The following FAM118B variants were observed in gnomAD, a reference collection of about 807,000 sequenced individuals.
FAM118B encodes the protein protein FAM118B.
A neutral mutation model predicts 38.5 loss-of-function variants in FAM118B; 24 were observed. That is an observed-to-expected ratio of 0.62 (90% CI 0.45 to 0.88). FAM118B has a LOEUF of 0.88. Ranked by LOEUF, FAM118B falls within the 40% of genes least tolerant of loss-of-function variation. The probability of loss-of-function intolerance (pLI) is 0.00; values close to 1 mark genes in which losing one functional copy is unlikely to be tolerated. For missense variants in FAM118B, 334 were observed against 420.0 expected (o/e 0.80, Z 1.79); for synonymous variants, 138 against 156.3 (o/e 0.88, Z 0.87).
chr11:126,256,941 C>A lies in FAM118B; in HGVS notation c.982+89C>A. On this transcript the variant is annotated intron_variant, in intron 7 of 8. Transcript: ENST00000533050. This position sits in a 1 kb window ranked among gnomAD's most constrained non-coding sequence, Gnocchi z 6.6. The stretch of plus-strand genomic sequence containing the variant: ...TGTGATGTGATGGGCAAAATAGTTG[C>A]CAAGATGAGGAATGTAATGACTGAC... 1 of 1,341,954 alleles carries A rather than the reference C, an allele frequency of 7.5e-7. No homozygotes were observed. Among genetic ancestry groups the A allele is most frequent in the Non-Finnish European group, 1.0e-6 (1 of 976,274 alleles). The allele number at this position is 1,341,954 out of a possible 1,614,324, so 83.1% of individuals were successfully genotyped here.
intron 3 of FAM118B, among the ~76,000 whole-genome samples, chr11:126,238,401 A>G (rs1042565360): frequency 6.6e-6 from 1 of 152,154 alleles, no homozygotes; most frequent in Non-Finnish European, 1.5e-5. Context: ...TGTAGAGTTA[A>G]GGAATTCCCA....
rs1459185079 is a variant in FAM118B, at chr11:126,229,226, A to G, written c.-75A>G. The G allele has an allele frequency of 1.3e-5, 2 of 152,136 alleles. No homozygotes were observed. Among genetic ancestry groups the G allele is most frequent in the African/African-American group, 4.8e-5 (2 of 41,444 alleles). 9.4% of individuals were successfully genotyped at this position (152,136 alleles called of 1,614,324 possible). A position where few individuals can be genotyped will look rare whatever the true frequency, so the allele number is the denominator to read the frequency against. On this transcript the variant is annotated splice_region_variant and 5_prime_UTR_variant, in exon 2 of 9. Coordinates refer to ENST00000533050, the MANE Select transcript of FAM118B (RefSeq NM_024556.4). ...AGCAACATGTGTCATTATTTTCAGG[A>G]TATACCTTCTCAGAAGCTGCACAGG...
At chr11:126,254,050 CT>C (rs1950541062) in intron 5 of FAM118B, among the ~76,000 whole-genome samples, 2 of 152,336 alleles carry the variant, frequency 1.3e-5, no homozygotes, top group South Asian at 4.1e-4. Context: ...CCTGTTGTTT[CT>C]GCAAATTATG....
chr11:126,250,863 TTTTG>T lies in FAM118B; in HGVS notation c.567+134_567+137del. ...GAAAAATTTTTTCCCTGGTTGGAGTTTTTGTTTTTCTTTTTTCTTTCTTTTTAAA... is the reference window on the plus strand; with the variant it reads ...GAAAAATTTTTTCCCTGGTTGGAGTTTTTTTCTTTTTTCTTTCTTTTTAAA... On this transcript the variant is annotated intron_variant, in intron 5 of 8. Transcript: ENST00000533050. The surrounding 1 kb of genome is among the most constrained non-coding windows in gnomAD (Gnocchi z 5.1). 1.5e-6 allele frequency: 1 copy of T among 658,194 alleles called. No individual in the cohort carries two copies. The highest frequency in any genetic ancestry group is 2.6e-6 in the Non-Finnish European group (1 of 390,152). The allele number at this position is 658,194 out of a possible 1,614,324, so 40.8% of individuals were successfully genotyped here. A position where few individuals can be genotyped will look rare whatever the true frequency, so the allele number is the denominator to read the frequency against.
chr11:126,245,489 A>G (rs916103160), intron 4 of FAM118B, among the ~76,000 whole-genome samples: 5 of 152,180 alleles, frequency 3.3e-5, no homozygotes, highest in Non-Finnish European at 7.3e-5. Flanking sequence ...TAAATTGGAC[A>G]TGATGAGACT....
intron 4 of FAM118B, among the ~76,000 whole-genome samples, chr11:126,247,402 A>T (rs530063610): frequency 1.5e-4 from 23 of 152,336 alleles, no homozygotes; most frequent in African/African-American, 4.8e-4. Context: ...TAGGTCTAAA[A>T]GATACTTAAT....
At chr11:126,237,217 T>A (rs541561913) in intron 3 of FAM118B, among the ~76,000 whole-genome samples, 2,644 of 93,042 alleles carry the variant, frequency 0.028, 115 homozygotes, top group African/African-American at 0.1. Flanking sequence ...CGCCTGGCCT[T>A]TTTTTTTTTT....
rs1388419291 is a variant in FAM118B at position 126,261,485 on chromosome 11, G to A, written c.1042+1G>A. The A allele has an allele frequency of 6.2e-7, 1 of 1,610,112 alleles. No homozygotes were observed. The highest frequency in any genetic ancestry group is 1.7e-5 in the Admixed American group (1 of 59,996). ...TCTGCAGCACACAGTGAAATAAGAGGTATACTGTTTCCTATTCTACTATTT... is the reference window on the plus strand; with the variant it reads ...TCTGCAGCACACAGTGAAATAAGAGATATACTGTTTCCTATTCTACTATTT... On this transcript the variant is annotated splice_donor_variant, in intron 8 of 8. Coordinates refer to ENST00000533050, the MANE Select transcript of FAM118B (RefSeq NM_024556.4). LOFTEE classifies it high-confidence loss of function.
rs141494742 is a variant in FAM118B, at chr11:126,257,969, T to A, written c.982+1117T>A. 1.7e-4 allele frequency among the ~76,000 whole-genome samples: 26 copies of A among 152,308 alleles called. No homozygotes were observed. The East Asian group carries it at 4.2e-3, about 25-fold the overall frequency. On this transcript the variant is annotated intron_variant, in intron 7 of 8. Transcript: ENST00000533050. ...ATCAGCTAAACTGAAGAATGCTTTT[T>A]CAAAACCTCACATTGCCAGGCTCCA...
At chr11:126,228,238 AC>A (rs1365909665) in intron 1 of FAM118B, among the ~76,000 whole-genome samples, 1 of 146,830 alleles carries the variant, frequency 6.8e-6, no homozygotes, top group African/African-American at 2.5e-5. Context: ...TCGCTTTGTC[AC>A]CCAGGCTGGA....
chr11:126,226,943 C>A (rs1004754851), intron 1 of FAM118B, among the ~76,000 whole-genome samples: 7 of 85,258 alleles, frequency 8.2e-5, no homozygotes, highest in Non-Finnish European at 1.7e-4. Context: ...AACAGTGAGA[C>A]CCCGTCCAAA....
intron 4 of FAM118B, among the ~76,000 whole-genome samples, chr11:126,246,807 G>C (rs1268927918): frequency 6.6e-6 from 1 of 152,082 alleles, no homozygotes; most frequent in African/African-American, 2.4e-5. Context: ...AGATGAATGG[G>C]AAAAGGCCCT....
intron 7 of FAM118B, among the ~76,000 whole-genome samples, chr11:126,257,335 T>C (rs1950592588): frequency 6.6e-6 from 1 of 152,196 alleles, no homozygotes; most frequent in Admixed American, 6.5e-5. Flanking sequence ...AAGGAGATAA[T>C]TGGATGATTG....
intron 4 of FAM118B, among the ~76,000 whole-genome samples, chr11:126,248,786 G>A (rs1041832511): frequency 3.3e-5 from 5 of 152,124 alleles, no homozygotes; most frequent in Non-Finnish European, 7.4e-5. Flanking sequence ...ACTAGGTCTC[G>A]CCTCCCAACA....
intron 1 of FAM118B, among the ~76,000 whole-genome samples, chr11:126,219,424 C>T (rs1345821374): frequency 8.6e-6 from 1 of 116,008 alleles, no homozygotes; most frequent in Non-Finnish European, 1.6e-5. Context: ...CTGGAGTGGG[C>T]ATGATCATGA....
chr11:126,242,604 C>G (rs1485405484), intron 4 of FAM118B, among the ~76,000 whole-genome samples: 1 of 152,182 alleles, frequency 6.6e-6, no homozygotes, highest in East Asian at 1.9e-4. Context: ...AAAGAAGATA[C>G]ACAAACGGCC....
chr11:126,237,769 A>G (rs1950298706), intron 3 of FAM118B, among the ~76,000 whole-genome samples: 1 of 146,564 alleles, frequency 6.8e-6, no homozygotes, highest in Non-Finnish European at 1.5e-5. Flanking sequence ...AGGCAGGAGA[A>G]TCACTTGAAC....
chr11:126,261,995 C>G lies in FAM118B; in HGVS notation c.1043-125C>G, dbSNP rs537056086. ...AGTAAATAAAATTTTAAATAAATTACAAGATTCCTAGAATCTCCTGTCTTG... is the reference window on the plus strand; with the variant it reads ...AGTAAATAAAATTTTAAATAAATTAGAAGATTCCTAGAATCTCCTGTCTTG... On this transcript the variant is annotated intron_variant, in intron 8 of 8. Coordinates refer to ENST00000533050, the MANE Select transcript of FAM118B (RefSeq NM_024556.4). 4.5e-6 allele frequency: 4 copies of G among 882,260 alleles called. No homozygotes were observed. The African/African-American group carries it at 5.1e-5, about 11-fold the overall frequency. The allele number at this position is 882,260 out of a possible 1,614,324, so 54.7% of individuals were successfully genotyped here.
At chr11:126,234,125 G>C (rs575156041) in intron 2 of FAM118B, among the ~76,000 whole-genome samples, 90 of 152,248 alleles carry the variant, frequency 5.9e-4, no homozygotes, top group African/African-American at 2.1e-3. Context: ...CAGTAAACTT[G>C]CAGTAATTAT....
Sources: allele counts gnomAD v4.1 joint callset (sites outside exome capture counted in the v4.1 genomes callset), GRCh38; gene constraint gnomAD v4.1.1; non-coding constraint Gnocchi (gnomAD v3.1); transcripts MANE v1.5; gene names NCBI Gene and HGNC (gene_info 2026-07-23, HGNC 2026-07-21).